TGIF1: variants seen among roughly 807,000 people sequenced by gnomAD.
TGIF1 encodes TGFB induced factor homeobox 1.
In TGIF1, 4 loss-of-function variants were observed where a neutral mutation model predicts 19.3. That is an observed-to-expected ratio of 0.21 (90% confidence interval 0.10 to 0.47). TGIF1 has a LOEUF of 0.47. TGIF1 is among the 20% of genes least tolerant of loss of function. The pLI is 0.98. For missense variants in TGIF1, 275 were observed against 341.4 expected (o/e 0.81, Z 1.53); for synonymous variants, 122 against 129.3 (o/e 0.94, Z 0.38).
At chr18:3,422,299 A>T (rs1014566497) in intron 2 of TGIF1, among the ~76,000 whole-genome samples, 1 of 129,724 alleles carries the variant, frequency 7.7e-6, no homozygotes, top group African/African-American at 4.3e-5. Context: ...TAAAAAGTAA[A>T]AAAAAAAAAA....
chr18:3,422,685 T>TTTG (rs1568029559), intron 2 of TGIF1, among the ~76,000 whole-genome samples: 5 of 125,058 alleles, frequency 4.0e-5, no homozygotes, highest in Non-Finnish European at 8.5e-5. Flanking sequence ...TTTTTTTTTT[T>TTTG]TTTTTTTTTT....
intron 2 of TGIF1, among the ~76,000 whole-genome samples, chr18:3,419,935 G>A (rs990119311): frequency 2.0e-5 from 3 of 152,016 alleles, no homozygotes; most frequent in Admixed American, 6.6e-5. Flanking sequence ...GAACCCGGGA[G>A]GCAGAGGTTG....
chr18:3,449,482 G>C, upstream of TGIF1: 1 of 985,510 alleles, frequency 1.0e-6, no homozygotes, highest in South Asian at 4.7e-5. Flanking sequence ...ATCCAGTCCG[G>C]AACTCGCAGC....
At chr18:3,427,349 A>T (rs1353426980) in intron 2 of TGIF1, among the ~76,000 whole-genome samples, 1 of 150,440 alleles carries the variant, frequency 6.6e-6, no homozygotes, top group Non-Finnish European at 1.5e-5. Flanking sequence ...TAGAGTGCAG[A>T]GGCACAATTT....
Position 3,456,034 on chromosome 18 carries a change from T to G in TGIF1, c.17-320T>G. 1 of 401,178 alleles carries G rather than the reference T, an allele frequency of 2.5e-6. No individual in the cohort carries two copies. Among genetic ancestry groups the G allele is most frequent in the Non-Finnish European group, 4.7e-6 (1 of 212,036 alleles). The allele number at this position is 401,178 out of a possible 1,614,324, so 24.9% of individuals were successfully genotyped here. On this transcript the variant is annotated intron_variant, in intron 1 of 2. Coordinates refer to ENST00000343820, the MANE Select transcript of TGIF1 (RefSeq NM_003244.4). This position sits in a 1 kb window ranked among gnomAD's most constrained non-coding sequence, Gnocchi z 4.2. ...TGTTTCAAATGTGGCAGGTTATTCA[T>G]TTTGGGTGCAGTTTGTCTCCTCCAA... is the stretch of plus-strand genomic sequence containing the variant.
At chr18:3,423,503 C>G (rs1344347372) in intron 2 of TGIF1, among the ~76,000 whole-genome samples, 1 of 152,016 alleles carries the variant, frequency 6.6e-6, no homozygotes, top group South Asian at 2.1e-4. Context: ...CACGGCGAAA[C>G]CCCGTCTCTA....
upstream of TGIF1, chr18:3,447,780 G>GA: frequency 6.2e-7 from 1 of 1,614,180 alleles, no homozygotes; most frequent in East Asian, 2.2e-5. Flanking sequence ...GCCCGATCAA[G>GA]CCTGACTTCT....
In TGIF1 at chr18:3,432,765, G is replaced by GT. The variant is rs1170496965; in HGVS notation, c.-45+14561dup. 5.6e-3 allele frequency among the ~76,000 whole-genome samples: 819 copies of GT among 145,976 alleles called. 7 individuals carry two copies. Among genetic ancestry groups the GT allele is most frequent in the African/African-American group, 0.015 (618 of 40,060 alleles). On this transcript the variant is annotated intron_variant, in intron 2 of 3. Transcript: ENST00000401449. ...TCTTCAGACTTTTCTTTTTTTGTTT[G>GT]TTTTTTTTTTTGAGATGGAGTTTCA...
chr18:3,455,975 G>T (rs757779927), intron 1 of TGIF1: 1 of 343,958 alleles, frequency 2.9e-6, no homozygotes, highest in African/African-American at 2.1e-5. Context: ...AAAGAAGGTT[G>T]GTAGGCATAT....
intron 2 of TGIF1, among the ~76,000 whole-genome samples, chr18:3,430,006 A>C (rs997307529): frequency 1.3e-5 from 2 of 152,190 alleles, no homozygotes; most frequent in Admixed American, 1.3e-4. Context: ...AATACAAAAA[A>C]TTAGCCAGGC....
At chr18:3,427,292 C>CTT (rs111682284) in intron 2 of TGIF1, among the ~76,000 whole-genome samples, 1 of 145,072 alleles carries the variant, frequency 6.9e-6, no homozygotes, top group African/African-American at 2.5e-5. Context: ...TACATTCTCC[C>CTT]TTTTTTTTTT....
Position 3,456,727 on chromosome 18 carries a change from TA to T in TGIF1, c.243+149del. 1.3e-6 allele frequency: 1 copy of T among 767,388 alleles called. No individual in the cohort carries two copies. Among genetic ancestry groups the T allele is most frequent in the South Asian group, 1.4e-5 (1 of 69,240 alleles). 47.5% of individuals were successfully genotyped at this position (767,388 alleles called of 1,614,324 possible). A position where few individuals can be genotyped will look rare whatever the true frequency, so the allele number is the denominator to read the frequency against. ...TTGTAAACTTGATAGTGTTAAAAGC[TA>T]ATAACTAGCTATTTAGAGAACACAG... On this transcript the variant is annotated intron_variant, in intron 2 of 2. Transcript: ENST00000343820. This position sits in a 1 kb window ranked among gnomAD's most constrained non-coding sequence, Gnocchi z 4.2.
rs952918471 is a variant in TGIF1, at chr18:3,450,280, C to G, written c.-210C>G. The G allele has an allele frequency of 1.0e-5, 15 of 1,435,316 alleles. No individual in the cohort carries two copies. In the African/African-American group the frequency reaches 2.2e-4, roughly 21 times the overall value. 88.9% of individuals were successfully genotyped at this position (1,435,316 alleles called of 1,614,324 possible). A position where few individuals can be genotyped will look rare whatever the true frequency, so the allele number is the denominator to read the frequency against. On this transcript the variant is annotated 5_prime_UTR_variant, in exon 1 of 3. Transcript: ENST00000343820. The stretch of plus-strand genomic sequence containing the variant: ...GCCCCCGGCCGGCTGCCAGAAGATC[C>G]CGGCGGGAGGAAGCCCAAGTGTCAC...
intron 2 of TGIF1, among the ~76,000 whole-genome samples, chr18:3,440,155 A>G (rs2082664285): frequency 6.6e-6 from 1 of 152,174 alleles, no homozygotes; most frequent in South Asian, 2.1e-4. Flanking sequence ...GTTTGAGACC[A>G]GGCTGGCCAA....
intron 2 of TGIF1, among the ~76,000 whole-genome samples, chr18:3,437,537 A>G (rs930998609): frequency 6.6e-6 from 1 of 152,200 alleles, no homozygotes; most frequent in Non-Finnish European, 1.5e-5. Flanking sequence ...TGAGGGAGAA[A>G]TGGGAACAGA....
rs1003704710 is a variant in TGIF1, at chr18:3,456,285, G to A, written c.17-69G>A. On this transcript the variant is annotated intron_variant, in intron 1 of 2. Transcript: ENST00000343820. The surrounding 1 kb of genome is among the most constrained non-coding windows in gnomAD (Gnocchi z 4.2). ...AGCATGGTTACATTGAATGGTCAGC[G>A]TTAAGTGAGCTTTGCAATAGTTGCT... 17 of 1,412,706 alleles carry A rather than the reference G, an allele frequency of 1.2e-5. No individual in the cohort carries two copies. Among genetic ancestry groups the A allele is most frequent in the Non-Finnish European group, 1.5e-5 (15 of 998,116 alleles). The allele number at this position is 1,412,706 out of a possible 1,614,324, so 87.5% of individuals were successfully genotyped here. A position where few individuals can be genotyped will look rare whatever the true frequency, so the allele number is the denominator to read the frequency against.
chr18:3,436,182 G>A (rs1245315284), intron 2 of TGIF1, among the ~76,000 whole-genome samples: 1 of 152,118 alleles, frequency 6.6e-6, no homozygotes, highest in African/African-American at 2.4e-5. Context: ...GTCAATATTT[G>A]TCAAGTGAGA....
upstream of TGIF1, chr18:3,447,576 C>T (rs1271670518): frequency 3.7e-6 from 3 of 805,528 alleles, no homozygotes; most frequent in Non-Finnish European, 6.4e-6. Context: ...CCAGAATGCA[C>T]CAAGAATCCG....
intron 1 of TGIF1, chr18:3,455,038 C>T (rs138150767): frequency 3.3e-5 from 5 of 152,044 alleles, no homozygotes; most frequent in African/African-American, 1.2e-4. Flanking sequence ...ATATTTTCAA[C>T]CAAAATTACA....
Sources: allele counts gnomAD v4.1 joint callset (sites outside exome capture counted in the v4.1 genomes callset), GRCh38; gene constraint gnomAD v4.1.1; non-coding constraint Gnocchi (gnomAD v3.1); transcripts MANE v1.5; gene names NCBI Gene and HGNC (gene_info 2026-07-23, HGNC 2026-07-21).